VTI1A: variants seen among roughly 807,000 people sequenced by gnomAD.
VTI1A encodes the protein vesicle transport through interaction with t-SNAREs 1A.
Under a neutral mutation model 34.9 loss-of-function variants are expected in VTI1A, and 22 were observed. The observed-to-expected ratio is 0.63, with a 90% CI of 0.45 to 0.90. The LOEUF is 0.90. VTI1A is among the 40% of genes least tolerant of loss of function. VTI1A has a pLI of 0.00. For synonymous variants in VTI1A, 87 were observed against 97.3 expected, an observed-to-expected ratio of 0.89 and a Z score of 0.62; for missense variants, 268 against 275.6, an observed-to-expected ratio of 0.97 and a Z score of 0.20.
At chr10:112,681,409 G>C (rs1016704466) in intron 7 of VTI1A, among the ~76,000 whole-genome samples, 16 of 152,152 alleles carry the variant, frequency 1.1e-4, no homozygotes, top group Admixed American at 9.2e-4. Flanking sequence ...GAACAGGAGT[G>C]AGCAAATCAT....
chr10:112,455,752 CTA>C (rs1564783979), intron 1 of VTI1A, among the ~76,000 whole-genome samples: 1 of 150,280 alleles, frequency 6.7e-6, no homozygotes, highest in East Asian at 2.1e-4. Context: ...ATGAGGAACA[CTA>C]TAAGGACCAA....
At chr10:112,830,992 G>A in the VTI1A span, among the ~76,000 whole-genome samples, 11 of 150,384 alleles carry the variant, frequency 7.3e-5, no homozygotes, top group African/African-American at 7.3e-5. Context: ...TGAGACCACC[G>A]GCACGTGCCA....
intron 7 of VTI1A, among the ~76,000 whole-genome samples, chr10:112,787,088 T>C (rs957429049): frequency 1.3e-5 from 2 of 152,214 alleles, no homozygotes; most frequent in African/African-American, 2.4e-5. Context: ...TTGCTTGTTA[T>C]AGGTCTATTC....
the VTI1A span, among the ~76,000 whole-genome samples, chr10:112,835,173 G>A: frequency 1.3e-5 from 2 of 152,096 alleles, no homozygotes; most frequent in Non-Finnish European, 2.9e-5. Context: ...GCCAAAAGGA[G>A]CCCTCTCTCA....
intron 7 of VTI1A, among the ~76,000 whole-genome samples, chr10:112,763,588 T>C (rs547521374): frequency 6.6e-6 from 1 of 152,346 alleles, no homozygotes; most frequent in South Asian, 2.1e-4. Flanking sequence ...GTTGCCCTGC[T>C]TTATAGCTCT....
chr10:112,530,098 C>T (rs1166289697), intron 4 of VTI1A, among the ~76,000 whole-genome samples: 1 of 152,018 alleles, frequency 6.6e-6, no homozygotes, highest in Non-Finnish European at 1.5e-5. Context: ...ATACAATACC[C>T]TTTGCATTTA....
At chr10:112,532,728 AC>A (rs1850489721) in intron 4 of VTI1A, among the ~76,000 whole-genome samples, 1 of 152,158 alleles carries the variant, frequency 6.6e-6, no homozygotes, top group African/African-American at 2.4e-5. Flanking sequence ...TGAAAACAAA[AC>A]TGCAATATAA....
intron 1 of VTI1A, among the ~76,000 whole-genome samples, chr10:112,453,435 C>T (rs1847312797): frequency 6.6e-6 from 1 of 150,416 alleles, no homozygotes; most frequent in South Asian, 2.1e-4. Context: ...CAAGTAATTA[C>T]GTGAATTATT....
chr10:112,818,948 G>A (rs1853599498), downstream of VTI1A, among the ~76,000 whole-genome samples: 1 of 152,062 alleles, frequency 6.6e-6, no homozygotes, highest in African/African-American at 2.4e-5. Flanking sequence ...AGAGAAAGAT[G>A]AAAACTTGTC....
intron 7 of VTI1A, among the ~76,000 whole-genome samples, chr10:112,747,781 C>CA (rs1368675555): frequency 6.6e-6 from 1 of 152,168 alleles, no homozygotes; most frequent in Non-Finnish European, 1.5e-5. Flanking sequence ...CTGGCAAACT[C>CA]AGAGTTCAGT....
chr10:112,702,962 G>A (rs1292371475), intron 7 of VTI1A, among the ~76,000 whole-genome samples: 2 of 152,082 alleles, frequency 1.3e-5, no homozygotes, highest in African/African-American at 4.8e-5. Flanking sequence ...AACTAATTGG[G>A]CCTCCTTTTT....
chr10:112,655,283 A>T (rs1421570567), intron 5 of VTI1A, among the ~76,000 whole-genome samples: 1 of 152,238 alleles, frequency 6.6e-6, no homozygotes, highest in East Asian at 1.9e-4. Context: ...ACTATAGATG[A>T]TCAAGTAGGT....
chr10:112,496,499 A>G (rs1849032717), intron 3 of VTI1A, among the ~76,000 whole-genome samples: 1 of 152,040 alleles, frequency 6.6e-6, no homozygotes, highest in Non-Finnish European at 1.5e-5. Context: ...TGAACCTGGG[A>G]GGCAGAGGTT....
At chr10:112,599,200 C>A (rs532028019) in intron 5 of VTI1A, among the ~76,000 whole-genome samples, 1 of 152,208 alleles carries the variant, frequency 6.6e-6, no homozygotes, top group African/African-American at 2.4e-5. Flanking sequence ...CAAGAAGCAG[C>A]TTGCAGAGTA....
At chr10:112,519,655 A>G (rs963840133) in intron 3 of VTI1A, among the ~76,000 whole-genome samples, 1 of 152,042 alleles carries the variant, frequency 6.6e-6, no homozygotes, top group Non-Finnish European at 1.5e-5. Context: ...AATAAAGTGA[A>G]AAGAACACTG....
chr10:112,617,599 G>A (rs1845553416), intron 5 of VTI1A, among the ~76,000 whole-genome samples: 1 of 152,050 alleles, frequency 6.6e-6, no homozygotes, highest in Non-Finnish European at 1.5e-5. Flanking sequence ...TGGAAGTTAG[G>A]AGGTGAGTGA....
chr10:112,447,274 G>A lies in VTI1A; in HGVS notation c.-100G>A, dbSNP rs564789327. ...CCCGGTTCTCCGTTCTGCTCTCGGG[G>A]GCACCTTCCGGGGTTCCTAAGCCGC... On this transcript the variant is annotated 5_prime_UTR_variant, in exon 1 of 8. Coordinates refer to ENST00000393077, the MANE Select transcript of VTI1A (RefSeq NM_145206.4). The A allele has an allele frequency of 1.1e-5, 14 of 1,311,336 alleles. No individual in the cohort carries two copies. The African/African-American group carries it at 1.6e-4, about 15-fold the overall frequency. 81.2% of individuals were successfully genotyped at this position (1,311,336 alleles called of 1,614,324 possible). A position where few individuals can be genotyped will look rare whatever the true frequency, so the allele number is the denominator to read the frequency against.
rs965726319 is a variant in VTI1A, at chr10:112,752,596, T to C, written c.561-62694T>C. The C allele has an allele frequency of 1.9e-5, 19 of 985,290 alleles. No individual in the cohort carries two copies. The African/African-American group carries it at 3.3e-4, about 17-fold the overall frequency. The allele number at this position is 985,290 out of a possible 1,614,324, so 61.0% of individuals were successfully genotyped here. A position where few individuals can be genotyped will look rare whatever the true frequency, so the allele number is the denominator to read the frequency against. ...AACGCCCACTTAATAAAATGTATTTTCTTTCTGCTGTGGCTGCCAGGGTTT... is the reference window on the plus strand; with the variant it reads ...AACGCCCACTTAATAAAATGTATTTCCTTTCTGCTGTGGCTGCCAGGGTTT... On this transcript the variant is annotated intron_variant, in intron 7 of 7. Transcript: ENST00000393077.
intron 7 of VTI1A, among the ~76,000 whole-genome samples, chr10:112,756,677 T>C (rs1461528730): frequency 6.6e-6 from 1 of 152,132 alleles, no homozygotes; most frequent in Non-Finnish European, 1.5e-5. Flanking sequence ...TAAAATATTT[T>C]TTTCTCTCTA....
Sources: gnomAD v4.1 joint callset for allele counts (sites outside exome capture counted in the v4.1 genomes callset) on GRCh38, gnomAD v4.1.1 for gene constraint, MANE v1.5 for transcripts, NCBI Gene and HGNC (gene_info 2026-07-23, HGNC 2026-07-21) for gene names.